The following VPS33A variants were observed in gnomAD, a reference collection of about 807,000 sequenced individuals.
VPS33A encodes vacuolar protein sorting-associated protein 33A.
Under a neutral mutation model 71.8 loss-of-function variants are expected in VPS33A, and 32 were observed. The observed-to-expected ratio is 0.45, with a 90% CI of 0.34 to 0.60. The LOEUF (loss-of-function observed/expected upper bound fraction) is 0.60, where lower values mean the gene tolerates loss of function less well. Ranked by LOEUF, VPS33A falls within the 20% of genes least tolerant of loss-of-function variation. VPS33A has a pLI of 0.02. For synonymous variants in VPS33A, 311 were observed against 292.7 expected (o/e 1.06, Z -0.64); for missense variants, 625 against 748.5 (o/e 0.84, Z 1.92).
chr12:122,235,657 A>T, intron 11 of VPS33A, 129 bp downstream of exon 11: 1 of 1,257,524 alleles, frequency 8.0e-7, no homozygotes, highest in Non-Finnish European at 1.1e-6. Context: ...TGCATACATT[A>T]CTTTTTCAAA....
chr12:122,255,707 CAA>C (rs71082953), intron 4 of VPS33A, among the ~76,000 whole-genome samples: 4 of 35,488 alleles, frequency 1.1e-4, no homozygotes, highest in African/African-American at 5.3e-4. Context: ...GACTCCGTCT[CAA>C]AAAAAAAAAA....
intron 11 of VPS33A, among the ~76,000 whole-genome samples, chr12:122,235,331 C>T (rs1954615568): frequency 2.0e-5 from 3 of 149,176 alleles, no homozygotes; most frequent in Middle Eastern, 7.0e-3. Flanking sequence ...ATGGCATGAT[C>T]TGAGCTCACT....
In VPS33A at chr12:122,252,746, T is replaced by C. The variant is rs189848644; in HGVS notation, c.484-1647A>G. On this transcript the variant is annotated intron_variant, in intron 4 of 12. Coordinates refer to ENST00000267199, the MANE Select transcript of VPS33A (RefSeq NM_022916.6). ...TGTGCCCTGGGCCAGTTAGAGAATC[T>C]CTTTGTGCCTCAATTTATTCATATG... 3 of 152,284 alleles carry C rather than the reference T, an allele frequency of 2.0e-5. No homozygotes were observed. The East Asian group carries it at 5.8e-4, about 29-fold the overall frequency. 9.4% of individuals were successfully genotyped at this position (152,284 alleles called of 1,614,324 possible).
Position 122,261,269 on chromosome 12 carries a change from C to A in VPS33A, c.475G>T (p.Ala159Ser). 1 of 1,597,730 alleles carries A rather than the reference C, an allele frequency of 6.3e-7. No individual in the cohort carries two copies. The highest frequency in any genetic ancestry group is 8.5e-7 in the Non-Finnish European group (1 of 1,174,518). Residue 159 changes from alanine (A) to serine (S), a missense_variant, in exon 4 of 13, where the codon GCA (alanine) becomes TCA (serine). Physicochemically the swap from Ala to Ser is moderately conservative, Grantham distance 99. Coordinates refer to ENST00000267199, the MANE Select transcript of VPS33A (RefSeq NM_022916.6). ...GDLLSMESEG[A>S]FKECYLEGDQ... ...GGAAATGCCAAACTTACTTTGAATGCACCCTCTGATTCCATGGATAAGAGA... is the reference window on the plus strand; with the variant it reads ...GGAAATGCCAAACTTACTTTGAATGAACCCTCTGATTCCATGGATAAGAGA...
intron 11 of VPS33A, among the ~76,000 whole-genome samples, chr12:122,233,947 GA>G (rs767815370): frequency 1.3e-5 from 2 of 152,050 alleles, no homozygotes; most frequent in Non-Finnish European, 2.9e-5. Context: ...TTCCCACCGG[GA>G]AAAAATCATT....
chr12:122,235,384 C>A (rs1249922374), intron 11 of VPS33A, among the ~76,000 whole-genome samples: 1 of 151,884 alleles, frequency 6.6e-6, no homozygotes, highest in East Asian at 1.9e-4. Context: ...CCTGCCTCAG[C>A]CCCCCAAGTA....
rs1024149280 is a variant in VPS33A, at chr12:122,229,771, T to G, written c.*2475A>C. 24 of 152,258 alleles carry G rather than the reference T, an allele frequency of 1.6e-4. No individual in the cohort carries two copies. Among genetic ancestry groups the G allele is most frequent in the Admixed American group, 1.4e-3 (21 of 15,288 alleles). The allele number at this position is 152,258 out of a possible 1,614,324, so 9.4% of individuals were successfully genotyped here. Reference sequence around the variant, plus strand: ...TTACACAAAGGCGTATAATATATAATTATCTACCATTTTCTATTTGCATAC... The same window carrying G: ...TTACACAAAGGCGTATAATATATAAGTATCTACCATTTTCTATTTGCATAC... On this transcript the variant is annotated 3_prime_UTR_variant, in exon 13 of 13. Coordinates refer to ENST00000267199, the MANE Select transcript of VPS33A (RefSeq NM_022916.6).
At chr12:122,249,413 G>A (rs961623778) in intron 6 of VPS33A, 1 of 152,074 alleles carries the variant, frequency 6.6e-6, no homozygotes, top group Non-Finnish European at 1.5e-5. Context: ...TAGTAGAGAC[G>A]GGCATCTCAC....
chr12:122,249,694 G>A (rs1434062512), intron 6 of VPS33A, 177 bp downstream of exon 6: 2 of 515,394 alleles, frequency 3.9e-6, no homozygotes, highest in Non-Finnish European at 6.1e-6. Flanking sequence ...GGTTAGAAAA[G>A]TTTTATGTGT....
At chr12:122,242,171 G>C (rs1164935666) in intron 8 of VPS33A, among the ~76,000 whole-genome samples, 1 of 151,952 alleles carries the variant, frequency 6.6e-6, no homozygotes, top group African/African-American at 2.4e-5. Flanking sequence ...GCCTCCCGAA[G>C]TGCTGGGATT....
In VPS33A at chr12:122,235,770, G is replaced by A. The variant is rs1954621751; in HGVS notation, c.1440+16C>T. ...CCAGTCCCTAAGCTGAGACGAGGTGGAGAAGTGTGGCTTACTTGCTCATTA... is the reference window on the plus strand; with the variant it reads ...CCAGTCCCTAAGCTGAGACGAGGTGAAGAAGTGTGGCTTACTTGCTCATTA... On this transcript the variant is annotated intron_variant, in intron 11 of 12. Transcript: ENST00000267199. 1 of 1,605,396 alleles carries A rather than the reference G, an allele frequency of 6.2e-7. No homozygotes were observed. Among genetic ancestry groups the A allele is most frequent in the Non-Finnish European group, 8.5e-7 (1 of 1,175,046 alleles).
intron 4 of VPS33A, among the ~76,000 whole-genome samples, chr12:122,251,837 T>C (rs898345818): frequency 6.6e-6 from 1 of 150,970 alleles, no homozygotes; most frequent in African/African-American, 2.4e-5. Context: ...GATGAGTTAA[T>C]GGGTGCAGCA....
chr12:122,232,942 G>A lies in VPS33A; in HGVS notation c.1467C>T (p.Tyr489=), dbSNP rs754352262. The change falls in exon 12 of 13, where the codon TAC becomes TAT. Residue 489 remains tyrosine, a synonymous_variant. Transcript: ENST00000267199. ...GCACACTGAGCGGGGCATACCCACT[G>A]TACACATACGATATGTCCGTGGGGT... The part of the protein sequence containing the change: ...EQNPTDISYV[Y]SGYAPLSVRL... 9 of 1,612,330 alleles carry A rather than the reference G, an allele frequency of 5.6e-6. No homozygotes were observed. The Admixed American group carries it at 6.7e-5, about 12-fold the overall frequency.
chr12:122,246,031 G>T (rs997476153), intron 6 of VPS33A, among the ~76,000 whole-genome samples: 4 of 152,204 alleles, frequency 2.6e-5, no homozygotes, highest in Non-Finnish European at 5.9e-5. Flanking sequence ...GCCAAGCCAA[G>T]TGAGTCCCTA....
intron 4 of VPS33A, among the ~76,000 whole-genome samples, chr12:122,257,690 CTTCT>C (rs1954938674): frequency 6.6e-6 from 1 of 151,808 alleles, no homozygotes; most frequent in Non-Finnish European, 1.5e-5. Context: ...AAAAGATTTT[CTTCT>C]TTGTCTGCAG....
rs542305530 is a variant in VPS33A at position 122,262,082 on chromosome 12, T to C, written c.297-635A>G. On this transcript the variant is annotated intron_variant, in intron 3 of 12. Transcript: ENST00000267199. ...GGTGTGTGCCTGTAATCTCAGCTAC[T>C]TGGGAGGCTAAAGCAGGGGAATTGC... Among the ~76,000 whole-genome samples the C allele has an allele frequency of 2.6e-5, 4 of 152,196 alleles. No homozygotes were observed. The East Asian group carries it at 5.8e-4, about 22-fold the overall frequency.
At position 122,259,181 on chromosome 12, in the gene VPS33A, GTA is replaced by G. The variant is rs1954957935; in HGVS notation, c.483+2078_483+2079del. On this transcript the variant is annotated intron_variant, in intron 4 of 12. Coordinates refer to ENST00000267199, the MANE Select transcript of VPS33A (RefSeq NM_022916.6). ...CTCCTAGGGGTGTGTGTGTGTGTAT[GTA>G]TGTGTGTATGTATGTATGTATGTAT... Among the ~76,000 whole-genome samples, 6 of 118,240 alleles carry G rather than the reference GTA, an allele frequency of 5.1e-5. 1 individual carries two copies. The highest frequency in any genetic ancestry group is 1.9e-4 in the African/African-American group (6 of 31,996). 77.6% of individuals were successfully genotyped at this position (118,240 alleles called of 152,430 possible).
At chr12:122,252,492 G>A (rs747771353) in intron 4 of VPS33A, among the ~76,000 whole-genome samples, 20 of 151,766 alleles carry the variant, frequency 1.3e-4, no homozygotes, top group Non-Finnish European at 2.5e-4. Context: ...TGATGGTCTC[G>A]ATCTCCTGAC....
At chr12:122,261,523 G>T in intron 3 of VPS33A, 76 bp from the exon 4 acceptor site, 1 of 1,352,828 alleles carries the variant, frequency 7.4e-7, no homozygotes, top group Non-Finnish European at 1.0e-6. Flanking sequence ...TATCCCCACT[G>T]CCTGGCACAT....
Sources: gnomAD v4.1 joint callset for allele counts (sites outside exome capture counted in the v4.1 genomes callset) on GRCh38, gnomAD v4.1.1 for gene constraint, MANE v1.5 for transcripts, NCBI Gene and HGNC (gene_info 2026-07-23, HGNC 2026-07-21) for gene names.